The following SERPINB1 variants were observed in gnomAD, a reference collection of about 807,000 sequenced individuals.
The protein encoded by SERPINB1 is leukocyte elastase inhibitor.
SERPINB1 carries 23 observed loss-of-function variants against 25.9 expected under a neutral mutation model. The ratio of observed to expected loss-of-function variants is 0.89; its 90% CI spans 0.64 to 1.26. The LOEUF (loss-of-function observed/expected upper bound fraction) is 1.26. Ranked by LOEUF, SERPINB1 falls within the 50% of genes most tolerant of loss-of-function variation. The probability of loss-of-function intolerance (pLI) is 0.00; values close to 1 mark genes in which losing one functional copy is unlikely to be tolerated. For synonymous variants in SERPINB1, 178 were observed against 178.7 expected (o/e 1.00, Z 0.03); for missense variants, 399 against 463.6 (o/e 0.86, Z 1.28).
chr6:2,839,520 T>TA (rs957681523), intron 2 of SERPINB1: 266 of 963,820 alleles, frequency 2.8e-4, no homozygotes, highest in East Asian at 9.2e-4. Flanking sequence ...TTAATGGATT[T>TA]AAAAAAAACA....
intron 5 of SERPINB1, 25 bp from the exon 6 acceptor site, chr6:2,836,048 A>T (rs772436515): frequency 6.2e-7 from 1 of 1,613,880 alleles, no homozygotes; most frequent in Admixed American, 1.7e-5. Flanking sequence ...AAAATCACTG[A>T]AATTATTCTC....
Position 2,837,524 on chromosome 6 carries a change from G to A in SERPINB1, c.424+358C>T, listed in dbSNP as rs756646849. On this transcript the variant is annotated intron_variant, in intron 4 of 6. Transcript: ENST00000380739. This position sits in a 1 kb window ranked among gnomAD's most constrained non-coding sequence, Gnocchi z 4.3. ...TTGAACTCCTGACCTCAAATGATCC[G>A]CCCGCCTTGGGCTCCCAAAGTGCTG... Among the ~76,000 whole-genome samples, 2 of 152,074 alleles carry A rather than the reference G, an allele frequency of 1.3e-5. No homozygotes were observed. Among genetic ancestry groups the A allele is most frequent in the South Asian group, 2.1e-4 (1 of 4,834 alleles).
chr6:2,840,406 T>G lies in SERPINB1; in HGVS notation c.168+13A>C. The G allele has an allele frequency of 6.2e-7, 1 of 1,613,706 alleles. No homozygotes were observed. The highest frequency in any genetic ancestry group is 2.2e-5 in the East Asian group (1 of 44,870). On this transcript the variant is annotated intron_variant, in intron 2 of 6. Coordinates refer to ENST00000380739, the MANE Select transcript of SERPINB1 (RefSeq NM_030666.4). ...TGGGAGGAAAGCAGACCCTTTTTTT[T>G]GTTTCTGCTGACCTTGGACAGCTGT...
rs386915 is a variant in SERPINB1, at chr6:2,834,031, C to T, written c.736-19G>A. 0.7 allele frequency: 1,094,965 copies of T among 1,563,388 alleles called. 385,044 individuals carry two copies. The highest frequency in any genetic ancestry group is 0.8 in the Middle Eastern group (4,722 of 5,890). ...CCTCAATCTGCAATTAAAAATGAGG[C>T]GAAAGAGGAAGTGATATCAATTTTA... On this transcript the variant is annotated intron_variant, in intron 6 of 6. Transcript: ENST00000380739.
At chr6:2,840,366 C>T (rs575268073) in intron 2 of SERPINB1, 53 bp downstream of exon 2, 142 of 1,600,776 alleles carry the variant, frequency 8.9e-5, no homozygotes, top group East Asian at 4.7e-4. Flanking sequence ...TGCAGACTGT[C>T]CATTCGTAGG....
rs1001906980 is a variant in SERPINB1 at position 2,837,773 on chromosome 6, G to A, written c.424+109C>T. The A allele has an allele frequency of 1.1e-5, 9 of 827,006 alleles. No individual in the cohort carries two copies. The highest frequency in any genetic ancestry group is 7.3e-5 in the East Asian group (3 of 41,176). 51.2% of individuals were successfully genotyped at this position (827,006 alleles called of 1,614,324 possible). A position where few individuals can be genotyped will look rare whatever the true frequency, so the allele number is the denominator to read the frequency against. On this transcript the variant is annotated intron_variant, in intron 4 of 6. Transcript: ENST00000380739. This position sits in a 1 kb window ranked among gnomAD's most constrained non-coding sequence, Gnocchi z 4.3. Reference sequence around the variant, plus strand: ...TCCTCTGACTGTAACCACGATGTGCGCCAGGACTGTGGGAGCTGGGGAGGG... The same window carrying A: ...TCCTCTGACTGTAACCACGATGTGCACCAGGACTGTGGGAGCTGGGGAGGG...
chr6:2,838,802 A>T, intron 2 of SERPINB1, 116 bp from the exon 3 acceptor site: 1 of 818,376 alleles, frequency 1.2e-6, no homozygotes, highest in Non-Finnish European at 1.7e-6. Context: ...ATTATTGATG[A>T]TCCCAAACCC....
In SERPINB1 at chr6:2,836,321, G is replaced by C. The variant is rs1766493778; in HGVS notation, c.425-71C>G. On this transcript the variant is annotated intron_variant, in intron 4 of 6. Transcript: ENST00000380739. ...CCAAATTTGAACTGACAATATATTA[G>C]CACGGAAATGCAATTCAAATATATA... The C allele has an allele frequency of 4.3e-6, 6 of 1,399,562 alleles. No individual in the cohort carries two copies. The East Asian group carries it at 7.0e-5, about 16-fold the overall frequency. The allele number at this position is 1,399,562 out of a possible 1,614,324, so 86.7% of individuals were successfully genotyped here.
At chr6:2,838,134 A>G (rs1004072624) in intron 3 of SERPINB1, 135 bp from the exon 4 acceptor site, 1 of 637,684 alleles carries the variant, frequency 1.6e-6, no homozygotes, top group Non-Finnish European at 2.7e-6. Context: ...TCTAACTCTT[A>G]TAGTTTTTCT....
At position 2,835,837 on chromosome 6, in the gene SERPINB1, T is replaced by G. The variant is rs1279323796; in HGVS notation, c.735+19A>C. On this transcript the variant is annotated intron_variant, in intron 6 of 6. Coordinates refer to ENST00000380739, the MANE Select transcript of SERPINB1 (RefSeq NM_030666.4). Reference sequence around the variant, plus strand: ...CACATGCAAGAGGAACCACAAAGCATGAAGCCCAGGAGCCATACCTTCTTC... The same window carrying G: ...CACATGCAAGAGGAACCACAAAGCAGGAAGCCCAGGAGCCATACCTTCTTC... 1 of 1,599,340 alleles carries G rather than the reference T, an allele frequency of 6.3e-7. No individual in the cohort carries two copies. The highest frequency in any genetic ancestry group is 1.1e-5 in the South Asian group (1 of 89,460).
chr6:2,836,252 T>TA lies in SERPINB1; in HGVS notation c.425-3dup, dbSNP rs150564609. 6,499 of 1,573,266 alleles carry TA rather than the reference T, an allele frequency of 4.1e-3. 124 individuals are homozygous for TA. In the African/African-American group the frequency reaches 0.055, roughly 13 times the overall value. On this transcript the variant is annotated splice_region_variant and splice_polypyrimidine_tract_variant and intron_variant, in intron 4 of 6. Transcript: ENST00000380739. ...AAGCCAACAGTTCCGGAATTTTTCCTAAAAAAAAATCAAGTTAGCGTAAAA... is the reference window on the plus strand; with the variant it reads ...AAGCCAACAGTTCCGGAATTTTTCCTAAAAAAAAAATCAAGTTAGCGTAAAA...
intron 6 of SERPINB1, among the ~76,000 whole-genome samples, chr6:2,834,949 C>G (rs916737811): frequency 1.3e-5 from 2 of 152,190 alleles, no homozygotes; most frequent in Admixed American, 6.5e-5. Context: ...AGAACCATCA[C>G]TCTACTTCTT....
Position 2,833,590 on chromosome 6 carries a change from T to G in SERPINB1, c.*18A>C. On this transcript the variant is annotated 3_prime_UTR_variant, in exon 7 of 7. Transcript: ENST00000380739. ...AAAGCACTAAGCTTGATTTTTGTAT[T>G]GCTACAGTCTCTTTCTTCTAAGGGG... 6.4e-7 allele frequency: 1 copy of G among 1,567,438 alleles called. No homozygotes were observed. Among genetic ancestry groups the G allele is most frequent in the Non-Finnish European group, 8.6e-7 (1 of 1,158,086 alleles).
chr6:2,835,924 C>T lies in SERPINB1; in HGVS notation c.667G>A (p.Gly223Ser). 6.2e-7 allele frequency: 1 copy of T among 1,614,174 alleles called. No homozygotes were observed. The highest frequency in any genetic ancestry group is 8.5e-7 in the Non-Finnish European group (1 of 1,180,032). The change falls in exon 6 of 7, where the codon GGC (glycine) becomes AGC (serine). Residue 223 changes from glycine to serine, a missense_variant. By Grantham distance (56) the Gly-to-Ser change is moderately conservative (BLOSUM62 0). Coordinates refer to ENST00000380739, the MANE Select transcript of SERPINB1 (RefSeq NM_030666.4). ...KCRVLELPYQ[G>S]EELSMVILLP... Reference sequence around the variant, plus strand: ...AGGATGACCATGCTGAGCTCCTCGCCTTGGTAAGGCAGTTCCAGCACACGG... The same window carrying T: ...AGGATGACCATGCTGAGCTCCTCGCTTTGGTAAGGCAGTTCCAGCACACGG...
rs1766360083 is a variant in SERPINB1, at chr6:2,832,567, G to T, written c.*1041C>A. The T allele has an allele frequency of 6.6e-6, 1 of 152,252 alleles. No individual in the cohort carries two copies. The highest frequency in any genetic ancestry group is 6.5e-5 in the Admixed American group (1 of 15,274). The allele number at this position is 152,252 out of a possible 1,614,324, so 9.4% of individuals were successfully genotyped here. A position where few individuals can be genotyped will look rare whatever the true frequency, so the allele number is the denominator to read the frequency against. On this transcript the variant is annotated 3_prime_UTR_variant, in exon 7 of 7. Transcript: ENST00000380739. Reference sequence around the variant, plus strand: ...CATGCCTGTAATCCCAGCACTTTGGGAGGCTGAGGTGCGCGGATCACCTGA... The same window carrying T: ...CATGCCTGTAATCCCAGCACTTTGGTAGGCTGAGGTGCGCGGATCACCTGA...
At chr6:2,836,869 C>A (rs955216063) in intron 4 of SERPINB1, among the ~76,000 whole-genome samples, 7 of 151,916 alleles carry the variant, frequency 4.6e-5, no homozygotes, top group African/African-American at 1.7e-4. Flanking sequence ...AAACAAAAAA[C>A]AAACAAACAA....
Position 2,838,612 on chromosome 6 carries a change from T to G in SERPINB1, c.243A>C (p.Gly81=). ...QSLNADINKR[G]ASYILKLANR... ...TAGCAAGTTTCAGAATATAAGACGC[T>G]CCACGTTTGTTGATATCAGCATTCA... Residue 81 remains glycine (G), a synonymous_variant, in exon 3 of 7, where the codon GGA becomes GGC. Transcript: ENST00000380739. 1 of 1,610,808 alleles carries G rather than the reference T, an allele frequency of 6.2e-7. No individual in the cohort carries two copies. The highest frequency in any genetic ancestry group is 8.5e-7 in the Non-Finnish European group (1 of 1,178,606).
At position 2,837,979 on chromosome 6, in the gene SERPINB1, C is replaced by G. The variant is rs1766543648; in HGVS notation, c.327G>C (p.Gln109His). The G allele has an allele frequency of 1.2e-6, 2 of 1,613,304 alleles. No homozygotes were observed. The highest frequency in any genetic ancestry group is 1.7e-6 in the Non-Finnish European group (2 of 1,179,652). Residue 109 changes from glutamine (Q) to histidine (H), a missense_variant, in exon 4 of 7, where the codon CAG becomes CAC. Physicochemically the swap from Gln to His is conservative, Grantham distance 24 (BLOSUM62 0). Coordinates refer to ENST00000380739, the MANE Select transcript of SERPINB1 (RefSeq NM_030666.4). The surrounding 1 kb of genome is among the most constrained non-coding windows in gnomAD (Gnocchi z 4.3). ...NFLPEFLVST[Q>H]KTYGADLASV... is the part of the protein sequence containing the mutation. ...TGGCCAGGTCAGCACCATATGTTTTCTGAGTCGAAACCAAGAACTCCTATT... is the reference window on the plus strand; with the variant it reads ...TGGCCAGGTCAGCACCATATGTTTTGTGAGTCGAAACCAAGAACTCCTATT...
Position 2,836,132 on chromosome 6 carries a change from C to T in SERPINB1, c.543G>A (p.Thr181=), listed in dbSNP as rs778295482. The part of the protein sequence containing the change: ...WKDKFMKEAT[T]NAPFRLNKKD... ...CCTTATTCAATCTGAATGGTGCATT[C>T]GTCGTGGCTTCTTTCATGAATTTAT... The change falls in exon 5 of 7, where the codon ACG becomes ACA. Residue 181 remains threonine (T), a synonymous_variant. Coordinates refer to ENST00000380739, the MANE Select transcript of SERPINB1 (RefSeq NM_030666.4). 1.3e-5 allele frequency: 21 copies of T among 1,614,014 alleles called. No individual in the cohort carries two copies. The South Asian group carries it at 1.4e-4, about 11-fold the overall frequency.
Sources: gnomAD v4.1 joint callset for allele counts (sites outside exome capture counted in the v4.1 genomes callset) on GRCh38, gnomAD v4.1.1 for gene constraint, Gnocchi (gnomAD v3.1) non-coding constraint, MANE v1.5 for transcripts, NCBI Gene and HGNC (gene_info 2026-07-23, HGNC 2026-07-21) for gene names.